Variants in STXBP5L observed in about 807,000 individuals in gnomAD.
STXBP5L encodes syntaxin-binding protein 5-like.
A neutral mutation model predicts 144.5 loss-of-function variants in STXBP5L; 65 were observed. That is an observed-to-expected ratio of 0.45 (90% CI 0.37 to 0.55). The LOEUF is 0.55. Ranked by LOEUF, STXBP5L falls within the 20% of genes least tolerant of loss-of-function variation. STXBP5L has a pLI of 0.00. For synonymous variants in STXBP5L, 505 were observed against 469.6 expected (o/e 1.08, Z -0.97); for missense variants, 1,298 against 1,405.5 (o/e 0.92, Z 1.22).
At chr3:121,049,122 A>G (rs1302977798) in intron 5 of STXBP5L, among the ~76,000 whole-genome samples, 1 of 152,074 alleles carries the variant, frequency 6.6e-6, no homozygotes, top group Non-Finnish European at 1.5e-5. Flanking sequence ...GACACTGCCC[A>G]GAGAACCATA....
At chr3:121,007,149 A>G (rs1372629609) in intron 3 of STXBP5L, among the ~76,000 whole-genome samples, 3 of 152,058 alleles carry the variant, frequency 2.0e-5, no homozygotes, top group Non-Finnish European at 4.4e-5. Context: ...TTGAAATTAT[A>G]CTTTTACATT....
intron 9 of STXBP5L, among the ~76,000 whole-genome samples, chr3:121,194,782 T>G (rs1445646994): frequency 2.0e-5 from 3 of 152,196 alleles, no homozygotes; most frequent in African/African-American, 7.2e-5. Context: ...AAAGTCAGTT[T>G]TGATAGTTTG....
chr3:121,072,427 A>G (rs773768228), intron 5 of STXBP5L, among the ~76,000 whole-genome samples: 4 of 152,216 alleles, frequency 2.6e-5, no homozygotes, highest in African/African-American at 4.8e-5. Flanking sequence ...CAGCACATAG[A>G]AATGTCGTCC....
rs1483346314 is a variant in STXBP5L at position 121,152,517 on chromosome 3, A to G, written c.710A>G (p.Asp237Gly). 6.2e-7 allele frequency: 1 copy of G among 1,609,730 alleles called. No individual in the cohort carries two copies. The highest frequency in any genetic ancestry group is 8.5e-7 in the Non-Finnish European group (1 of 1,178,068). Residue 237 changes from aspartate (D) to glycine (G), a missense_variant, in exon 8 of 27, where the codon GAC becomes GGC. Physicochemically the swap from Asp to Gly is moderately conservative, Grantham distance 94. Transcript: ENST00000471454. ...GAAAATGGTACTGTAGTATTCTGGGACTTGAAATCTAAAAGAGCAGAACTG... is the reference window on the plus strand; with the variant it reads ...GAAAATGGTACTGTAGTATTCTGGGGCTTGAAATCTAAAAGAGCAGAACTG... ...GYENGTVVFW[D>G]LKSKRAELRV...
intron 5 of STXBP5L, among the ~76,000 whole-genome samples, chr3:121,073,127 T>G (rs1346891599): frequency 6.6e-6 from 1 of 152,228 alleles, no homozygotes; most frequent in Non-Finnish European, 1.5e-5. Flanking sequence ...TCTGGGTCTC[T>G]TAAGGGCTAG....
At position 121,087,518 on chromosome 3, in the gene STXBP5L, C is replaced by T. The variant is rs183936907; in HGVS notation, c.471-27407C>T. Reference sequence around the variant, plus strand: ...TTCTTTCTAGTGATTCATGTTTGCACGATATATCTTTGTCTATTCTTATAC... The same window carrying T: ...TTCTTTCTAGTGATTCATGTTTGCATGATATATCTTTGTCTATTCTTATAC... On this transcript the variant is annotated intron_variant, in intron 5 of 26. Coordinates refer to ENST00000471454, the MANE Select transcript of STXBP5L (RefSeq NM_001308330.2). 1.7e-3 allele frequency among the ~76,000 whole-genome samples: 254 copies of T among 151,946 alleles called. 1 individual carries two copies. The highest frequency in any genetic ancestry group is 5.5e-3 in the African/African-American group (229 of 41,476).
intron 2 of STXBP5L, among the ~76,000 whole-genome samples, chr3:120,931,764 A>C (rs1249864962): frequency 6.6e-6 from 1 of 152,196 alleles, no homozygotes; most frequent in Non-Finnish European, 1.5e-5. Flanking sequence ...CCAGTCTGGG[A>C]AGTCAAACCA....
chr3:121,345,513 G>T (rs1449591630), intron 20 of STXBP5L, among the ~76,000 whole-genome samples: 3 of 151,970 alleles, frequency 2.0e-5, no homozygotes, highest in Non-Finnish European at 4.4e-5. Context: ...TAATCCTTTG[G>T]GTATATACCC....
At chr3:121,392,433 A>G (rs1400418173) in intron 22 of STXBP5L, among the ~76,000 whole-genome samples, 2 of 152,100 alleles carry the variant, frequency 1.3e-5, no homozygotes, top group Admixed American at 6.6e-5. Context: ...AGTCCCAATG[A>G]GATGAACCAG....
intron 2 of STXBP5L, among the ~76,000 whole-genome samples, chr3:120,937,584 T>C (rs1377016838): frequency 6.6e-6 from 1 of 152,208 alleles, no homozygotes; most frequent in South Asian, 2.1e-4. Context: ...GGGACAGCAA[T>C]TTGTCCTGTG....
At chr3:121,351,289 C>T (rs745851935) in intron 20 of STXBP5L, among the ~76,000 whole-genome samples, 1 of 152,078 alleles carries the variant, frequency 6.6e-6, no homozygotes, top group Non-Finnish European at 1.5e-5. Context: ...TGGTGAACAG[C>T]AAATGTGGCT....
At chr3:121,008,463 A>G (rs769991076) in intron 3 of STXBP5L, among the ~76,000 whole-genome samples, 1 of 152,042 alleles carries the variant, frequency 6.6e-6, no homozygotes, top group Non-Finnish European at 1.5e-5. Context: ...ATTGAGAATG[A>G]TGGTATGAGG....
intron 10 of STXBP5L, among the ~76,000 whole-genome samples, chr3:121,219,283 T>C (rs1375754229): frequency 1.3e-5 from 2 of 152,116 alleles, no homozygotes; most frequent in East Asian, 3.9e-4. Flanking sequence ...ATTATATAGC[T>C]ATATCCCTGC....
At chr3:121,253,637 T>G (rs984154985) in intron 15 of STXBP5L, among the ~76,000 whole-genome samples, 2 of 135,834 alleles carry the variant, frequency 1.5e-5, no homozygotes, top group Non-Finnish European at 3.3e-5. Flanking sequence ...ATATATATAC[T>G]TTTTTTTTTT....
Position 120,984,918 on chromosome 3 carries a change from T to C in STXBP5L, c.287+29881T>C, listed in dbSNP as rs557315104. 1.1e-4 allele frequency among the ~76,000 whole-genome samples: 17 copies of C among 152,174 alleles called. No individual in the cohort carries two copies. The South Asian group carries it at 3.5e-3, about 32-fold the overall frequency. On this transcript the variant is annotated intron_variant, in intron 3 of 26. Transcript: ENST00000471454. ...AATGCTTTTTCTACATCAATTGAGA[T>C]GTTGTGTGTTTTTTCCCATTCAGTC...
chr3:121,110,331 G>A (rs1268487507), intron 5 of STXBP5L, among the ~76,000 whole-genome samples: 1 of 152,158 alleles, frequency 6.6e-6, no homozygotes, highest in Non-Finnish European at 1.5e-5. Context: ...GTGTGGTTTT[G>A]TAGTAGCTGG....
chr3:121,253,205 TA>T (rs1389797756), intron 15 of STXBP5L, among the ~76,000 whole-genome samples: 9 of 151,562 alleles, frequency 5.9e-5, no homozygotes, highest in African/African-American at 1.9e-4. Context: ...GTCTATTTTT[TA>T]AAAAATCTAT....
At position 121,109,544 on chromosome 3, in the gene STXBP5L, C is replaced by G. The variant is rs566586422; in HGVS notation, c.471-5381C>G. Among the ~76,000 whole-genome samples, 28 of 152,188 alleles carry G rather than the reference C, an allele frequency of 1.8e-4. No homozygotes were observed. The South Asian group carries it at 5.8e-3, about 32-fold the overall frequency. On this transcript the variant is annotated intron_variant, in intron 5 of 26. Transcript: ENST00000471454. Reference sequence around the variant, plus strand: ...TAGTTGTATGGGTTTGACTGTGTTTCTTAATCTTGAGTTCTAATTTGATTG... The same window carrying G: ...TAGTTGTATGGGTTTGACTGTGTTTGTTAATCTTGAGTTCTAATTTGATTG...
Position 121,423,355 on chromosome 3 carries a change from G to A in STXBP5L, c.*4258G>A, listed in dbSNP as rs1007144737. 6.6e-6 allele frequency: 1 copy of A among 152,170 alleles called. No homozygotes were observed. Among genetic ancestry groups the A allele is most frequent in the African/African-American group, 2.4e-5 (1 of 41,434 alleles). 9.4% of individuals were successfully genotyped at this position (152,170 alleles called of 1,614,324 possible). Reference sequence around the variant, plus strand: ...ATGCACCATTCCAGGGAACATGGTTGTCAACATAACAAGTTTAGTGTGTGT... The same window carrying A: ...ATGCACCATTCCAGGGAACATGGTTATCAACATAACAAGTTTAGTGTGTGT... On this transcript the variant is annotated 3_prime_UTR_variant, in exon 27 of 27. Transcript: ENST00000471454.
Sources: gnomAD v4.1 joint callset for allele counts (sites outside exome capture counted in the v4.1 genomes callset) on GRCh38, gnomAD v4.1.1 for gene constraint, MANE v1.5 for transcripts, NCBI Gene and HGNC (gene_info 2026-07-23, HGNC 2026-07-21) for gene names.